Variants in EPB41L5 observed in about 807,000 individuals in gnomAD.
The protein encoded by EPB41L5 is band 4.1-like protein 5.
Under a neutral mutation model 106.6 loss-of-function variants are expected in EPB41L5, and 55 were observed. The observed-to-expected ratio is 0.52, with a 90% confidence interval of 0.42 to 0.65. EPB41L5 has a LOEUF of 0.65. Ranked by LOEUF, EPB41L5 falls within the 30% of genes least tolerant of loss-of-function variation. The pLI, the probability that EPB41L5 is intolerant of heterozygous loss-of-function variation, is 0.00. For missense variants in EPB41L5, 871 were observed against 882.1 expected (o/e 0.99, Z 0.16); for synonymous variants, 297 against 306.7 (o/e 0.97, Z 0.33).
At chr2:120,168,870 C>T (rs1687537449) in intron 24 of EPB41L5, among the ~76,000 whole-genome samples, 1 of 152,130 alleles carries the variant, frequency 6.6e-6, no homozygotes, top group Non-Finnish European at 1.5e-5. Context: ...GAGAGACCTA[C>T]ATTTGGGAAG....
At chr2:120,023,158 C>G (rs1316543986) in intron 2 of EPB41L5, among the ~76,000 whole-genome samples, 1 of 152,046 alleles carries the variant, frequency 6.6e-6, no homozygotes, top group Non-Finnish European at 1.5e-5. Flanking sequence ...TTTTGCTGGG[C>G]AAAATAAAAA....
At chr2:120,109,351 C>G (rs1299038425) in intron 16 of EPB41L5, among the ~76,000 whole-genome samples, 1 of 151,840 alleles carries the variant, frequency 6.6e-6, no homozygotes, top group Non-Finnish European at 1.5e-5. Context: ...TCTCCTCTTA[C>G]AAACCACTTC....
chr2:120,110,492 A>G (rs532778664), intron 16 of EPB41L5, among the ~76,000 whole-genome samples: 2 of 152,118 alleles, frequency 1.3e-5, no homozygotes, highest in African/African-American at 4.8e-5. Flanking sequence ...TACATATCCA[A>G]CTGCCTATCT....
At position 120,174,841 on chromosome 2, in the gene EPB41L5, C is replaced by G. The variant is rs770566131; in HGVS notation, c.2136C>G (p.Ser712Arg). 9 of 1,613,954 alleles carry G rather than the reference C, an allele frequency of 5.6e-6. No homozygotes were observed. The highest frequency in any genetic ancestry group is 6.8e-6 in the Non-Finnish European group (8 of 1,179,974). ...GTAACCCATTCTCTCTTCCTTTCAGCTCTGGTCCCATTTTGGCAGAAGAAG... is the reference window on the plus strand; with the variant it reads ...GTAACCCATTCTCTCTTCCTTTCAGGTCTGGTCCCATTTTGGCAGAAGAAG... ...PAPFLVDAVT[S>R]SGPILAEEAV... The change falls in exon 25 of 25, where the codon AGC (serine) becomes AGG (arginine). Residue 712 changes from serine to arginine, a missense_variant and splice_region_variant. By Grantham distance (110) the Ser-to-Arg change is moderately radical. Transcript: ENST00000263713.
intron 16 of EPB41L5, among the ~76,000 whole-genome samples, chr2:120,122,100 A>G (rs981202210): frequency 1.3e-5 from 2 of 152,190 alleles, no homozygotes; most frequent in African/African-American, 4.8e-5. Context: ...GGTAGATTGC[A>G]AAAATGTTCT....
Position 120,160,906 on chromosome 2 carries a change from C to A in EPB41L5, c.1819C>A (p.Pro607Thr). ...NSAVLNENNV[P>T]LPKESLETLM... Reference sequence around the variant, plus strand: ...TGCTGTGTTAAATGAGAATAATGTGCCCCTCCCCAAAGAGTCTCTTGAGAC... The same window carrying A: ...TGCTGTGTTAAATGAGAATAATGTGACCCTCCCCAAAGAGTCTCTTGAGAC... The change falls in exon 21 of 25, where the codon CCC becomes ACC. Residue 607 changes from proline to threonine, a missense_variant. Pro to Thr is a conservative substitution (Grantham distance 38). Transcript: ENST00000263713. The A allele has an allele frequency of 6.2e-7, 1 of 1,613,088 alleles. No individual in the cohort carries two copies. The highest frequency in any genetic ancestry group is 8.5e-7 in the Non-Finnish European group (1 of 1,179,100).
intron 18 of EPB41L5, among the ~76,000 whole-genome samples, chr2:120,136,821 G>C (rs1475518746): frequency 6.6e-6 from 1 of 151,944 alleles, no homozygotes. Flanking sequence ...CCCACATTCA[G>C]CAGAGGATAG....
In EPB41L5 at chr2:120,178,498, C is replaced by T. The variant is rs1450464167; in HGVS notation, c.*3591C>T. The T allele has an allele frequency of 6.6e-6, 1 of 152,136 alleles. No homozygotes were observed. Among genetic ancestry groups the T allele is most frequent in the Non-Finnish European group, 1.5e-5 (1 of 68,036 alleles). The allele number at this position is 152,136 out of a possible 1,614,324, so 9.4% of individuals were successfully genotyped here. A position where few individuals can be genotyped will look rare whatever the true frequency, so the allele number is the denominator to read the frequency against. On this transcript the variant is annotated 3_prime_UTR_variant, in exon 25 of 25. Coordinates refer to ENST00000263713, the MANE Select transcript of EPB41L5 (RefSeq NM_020909.4). ...CCACCAACTTTTAATTATTCATGCC[C>T]TTGACCATGTGGTTGCTTGGAGACC...
intron 20 of EPB41L5, among the ~76,000 whole-genome samples, chr2:120,154,488 T>A (rs1206748855): frequency 1.3e-5 from 2 of 152,016 alleles, no homozygotes; most frequent in South Asian, 4.1e-4. Context: ...TAAAAATTTA[T>A]CCCTTAGTGG....
intron 20 of EPB41L5, among the ~76,000 whole-genome samples, chr2:120,159,707 A>G (rs1687062638): frequency 6.6e-6 from 1 of 152,188 alleles, no homozygotes; most frequent in Non-Finnish European, 1.5e-5. Context: ...AAACAGACAC[A>G]TAGACCAATG....
chr2:120,019,310 C>A, intron 2 of EPB41L5, 46 bp downstream of exon 2: 1 of 1,550,862 alleles, frequency 6.4e-7, no homozygotes, highest in South Asian at 1.2e-5. Context: ...CGATTACTGT[C>A]TTTGTTTGTT....
intron 21 of EPB41L5, among the ~76,000 whole-genome samples, chr2:120,163,771 A>G (rs1687250934): frequency 1.3e-5 from 2 of 151,460 alleles, no homozygotes; most frequent in Admixed American, 6.6e-5. Flanking sequence ...CCTGGGCAAC[A>G]TAAGTGAGAC....
At chr2:120,021,497 T>G (rs1432512612) in intron 2 of EPB41L5, among the ~76,000 whole-genome samples, 1 of 148,480 alleles carries the variant, frequency 6.7e-6, no homozygotes, top group East Asian at 2.0e-4. Flanking sequence ...ACAAAATAGC[T>G]GGGTGTGGTG....
chr2:120,161,679 G>A (rs1389692981), intron 21 of EPB41L5, among the ~76,000 whole-genome samples: 1 of 152,174 alleles, frequency 6.6e-6, no homozygotes, highest in African/African-American at 2.4e-5. Flanking sequence ...GACCGGTACT[G>A]GTCCATGGCC....
chr2:120,174,812 C>T, intron 24 of EPB41L5, 29 bp from the exon 25 acceptor site: 2 of 1,601,926 alleles, frequency 1.2e-6, no homozygotes, highest in Non-Finnish European at 1.7e-6. Flanking sequence ...CAGGGGTTCC[C>T]TGAGTAACCC....
intron 2 of EPB41L5, among the ~76,000 whole-genome samples, chr2:120,029,813 C>T (rs1463570472): frequency 1.3e-5 from 2 of 152,146 alleles, no homozygotes; most frequent in South Asian, 2.1e-4. Context: ...TCATGCAGGC[C>T]TTGGAATCCC....
chr2:120,089,321 C>T (rs940919083), intron 11 of EPB41L5, among the ~76,000 whole-genome samples: 2 of 151,774 alleles, frequency 1.3e-5, no homozygotes, highest in Non-Finnish European at 2.9e-5. Flanking sequence ...AAAGTCTAAC[C>T]CCCTGACTAC....
intron 2 of EPB41L5, among the ~76,000 whole-genome samples, chr2:120,024,242 C>T (rs1421063010): frequency 2.0e-5 from 3 of 152,168 alleles, no homozygotes; most frequent in Non-Finnish European, 4.4e-5. Flanking sequence ...GAGAGGGCAT[C>T]CTTGTCTTGT....
At chr2:120,059,475 A>C (rs576225078) in intron 3 of EPB41L5, among the ~76,000 whole-genome samples, 9 of 152,338 alleles carry the variant, frequency 5.9e-5, no homozygotes, top group African/African-American at 2.2e-4. Flanking sequence ...AAAAAAGATA[A>C]AATGGACTTC....
Sources: allele counts gnomAD v4.1 joint callset (sites outside exome capture counted in the v4.1 genomes callset), GRCh38; gene constraint gnomAD v4.1.1; transcripts MANE v1.5; gene names NCBI Gene and HGNC (gene_info 2026-07-23, HGNC 2026-07-21).